Variants in BTAF1 observed in about 807,000 individuals in gnomAD.
BTAF1 encodes the protein B-TFIID TATA-box binding protein associated factor 1.
In BTAF1, 38 loss-of-function variants were observed where a neutral mutation model predicts 227.1. That is an observed-to-expected ratio of 0.17 (90% CI 0.13 to 0.22). The LOEUF is 0.22. Ranked by LOEUF, BTAF1 falls within the 10% of genes least tolerant of loss-of-function variation. BTAF1 has a pLI of 1.00. For synonymous variants in BTAF1, 742 were observed against 751.9 expected, an observed-to-expected ratio of 0.99 and a Z score of 0.21; for missense variants, 1,598 against 2,204.0, an observed-to-expected ratio of 0.73 and a Z score of 5.51.
At chr10:92,027,092 A>G in intron 36 of BTAF1, 38 bp from the exon 37 acceptor site, 2 of 1,579,424 alleles carry the variant, frequency 1.3e-6, no homozygotes, top group Non-Finnish European at 1.7e-6. Flanking sequence ...TCAAAGCATA[A>G]TATGTGTTAC....
intron 33 of BTAF1, among the ~76,000 whole-genome samples, chr10:92,016,776 A>G (rs1850768060): frequency 6.6e-6 from 1 of 152,198 alleles, no homozygotes; most frequent in African/African-American, 2.4e-5. Flanking sequence ...CGTCTGGCCC[A>G]TCCCACTTTT....
At chr10:91,970,944 C>T (rs570950531) in intron 14 of BTAF1, among the ~76,000 whole-genome samples, 12 of 152,156 alleles carry the variant, frequency 7.9e-5, no homozygotes, top group Admixed American at 1.3e-4. Flanking sequence ...CTTTCACAGA[C>T]GTTTTACTGA....
At chr10:91,997,164 C>A (rs899280862) in intron 24 of BTAF1, 5 of 1,287,306 alleles carry the variant, frequency 3.9e-6, no homozygotes, top group Non-Finnish European at 5.1e-6. Flanking sequence ...AGGAGAACTG[C>A]GCTTACTAGG....
intron 14 of BTAF1, 60 bp downstream of exon 14, chr10:91,966,817 C>A: frequency 6.6e-7 from 1 of 1,506,270 alleles, no homozygotes; most frequent in African/African-American, 1.4e-5. Flanking sequence ...ATAAAATAAA[C>A]CTGGTCTTTA....
intron 24 of BTAF1, chr10:91,997,176 T>C (rs1228820397): frequency 3.1e-6 from 4 of 1,282,108 alleles, no homozygotes; most frequent in Non-Finnish European, 4.1e-6. Flanking sequence ...CTTACTAGGC[T>C]CACTATATCC....
At chr10:91,936,446 ATCTC>A in intron 2 of BTAF1, among the ~76,000 whole-genome samples, 2 of 152,188 alleles carry the variant, frequency 1.3e-5, no homozygotes, top group African/African-American at 2.4e-5. Flanking sequence ...GAGCCTCAGG[ATCTC>A]TCTCTCTTTT....
Position 91,992,130 on chromosome 10 carries a change from G to A in BTAF1, c.2866G>A (p.Glu956Lys). The change falls in exon 21 of 38, where the codon GAA (glutamate) becomes AAA (lysine). Residue 956 changes from glutamate to lysine, a missense_variant. By Grantham distance (56) the Glu-to-Lys change is moderately conservative. Around this residue, in one of 10 missense-constraint regions of BTAF1, gnomAD observed 425 missense variants for 491.2 expected, o/e 0.87. Coordinates refer to ENST00000265990, the MANE Select transcript of BTAF1 (RefSeq NM_003972.3). ...GQENSKGSTS[E>K]KDGMHHTVTK... ...TTTTTTCTTATTAGGATCCACCTCA[G>A]AAAAAGATGGAATGCACCATACTGT... The A allele has an allele frequency of 6.4e-7, 1 of 1,570,264 alleles. No individual in the cohort carries two copies. The highest frequency in any genetic ancestry group is 8.6e-7 in the Non-Finnish European group (1 of 1,157,286).
chr10:92,014,150 C>G (rs112632906), intron 32 of BTAF1, 121 bp downstream of exon 32: 32 of 1,036,104 alleles, frequency 3.1e-5, no homozygotes, highest in African/African-American at 1.9e-4. Flanking sequence ...CAGATAAAGC[C>G]TAAATGATGT....
rs147687476 is a variant in BTAF1 at position 91,926,596 on chromosome 10, C to G, written c.14+2506C>G. Among the ~76,000 whole-genome samples, 44 of 152,274 alleles carry G rather than the reference C, an allele frequency of 2.9e-4. No homozygotes were observed. In the East Asian group the frequency reaches 7.9e-3, roughly 27 times the overall value. ...AAGACACCTTTAGAGAGACGCTTCC[C>G]TTTTGTCACTGTAAAGCTACATCCA... On this transcript the variant is annotated intron_variant, in intron 1 of 37. Transcript: ENST00000265990.
Position 92,031,228 on chromosome 10 carries a change from G to A in BTAF1, c.*2295G>A, listed in dbSNP as rs1165591384. Among the ~76,000 whole-genome samples, 2 of 152,034 alleles carry A rather than the reference G, an allele frequency of 1.3e-5. No homozygotes were observed. The highest frequency in any genetic ancestry group is 4.8e-5 in the African/African-American group (2 of 41,404). On this transcript the variant is annotated 3_prime_UTR_variant, in exon 38 of 38. Coordinates refer to ENST00000265990, the MANE Select transcript of BTAF1 (RefSeq NM_003972.3). Reference sequence around the variant, plus strand: ...CTTGTAGGAAAATCTTAACATTTGGGGGCCTGGGTATAATTTTTGTTTCAT... The same window carrying A: ...CTTGTAGGAAAATCTTAACATTTGGAGGCCTGGGTATAATTTTTGTTTCAT...
At chr10:92,014,237 T>C (rs1349113889) in intron 32 of BTAF1, among the ~76,000 whole-genome samples, 1 of 152,164 alleles carries the variant, frequency 6.6e-6, no homozygotes, top group Non-Finnish European at 1.5e-5. Flanking sequence ...TTTTAAGTTT[T>C]TTTTTTTAAG....
At chr10:92,010,787 C>T (rs1266267513) in intron 28 of BTAF1, among the ~76,000 whole-genome samples, 2 of 152,178 alleles carry the variant, frequency 1.3e-5, no homozygotes, top group African/African-American at 4.8e-5. Context: ...TCACCTAGAA[C>T]AACATGGAGT....
intron 1 of BTAF1, among the ~76,000 whole-genome samples, chr10:91,934,052 T>C (rs1384300436): frequency 6.6e-6 from 1 of 152,172 alleles, no homozygotes; most frequent in Admixed American, 6.5e-5. Context: ...GGCAAGTGTT[T>C]AGATAGCCTT....
chr10:91,981,423 CT>C (rs933327647), intron 15 of BTAF1, among the ~76,000 whole-genome samples: 3 of 150,636 alleles, frequency 2.0e-5, no homozygotes, highest in Non-Finnish European at 4.4e-5. Flanking sequence ...GAATTGTGTT[CT>C]TTTTTTAAAA....
chr10:91,981,756 T>C lies in BTAF1; in HGVS notation c.1869T>C (p.Asp623=). ...LMMQPSHLPI[D]LNMLLEVKAR... ...TGCAGCCTTCTCATTTACCTATCGA[T>C]TTAAATATGTTGCTAGAAGTAAAAG... Residue 623 remains aspartate, a synonymous_variant, in exon 16 of 38, where the codon GAT becomes GAC. Coordinates refer to ENST00000265990, the MANE Select transcript of BTAF1 (RefSeq NM_003972.3). 1 of 1,613,690 alleles carries C rather than the reference T, an allele frequency of 6.2e-7. No homozygotes were observed. The highest frequency in any genetic ancestry group is 8.5e-7 in the Non-Finnish European group (1 of 1,179,776).
rs767353223 is a variant in BTAF1 at position 92,008,816 on chromosome 10, TTC to T, written c.3814-7_3814-6del. On this transcript the variant is annotated splice_polypyrimidine_tract_variant and intron_variant, in intron 26 of 37. Coordinates refer to ENST00000265990, the MANE Select transcript of BTAF1 (RefSeq NM_003972.3). ...TATGATGTATTCACATTTATGATTT[TTC>T]TCTCTATCAGGATGGTGTGAACTGG... 2.1e-5 allele frequency: 32 copies of T among 1,556,342 alleles called. 1 individual carries two copies. The South Asian group carries it at 2.6e-4, about 12-fold the overall frequency.
At chr10:91,991,271 A>ATATAAATAT (rs1564699914) in intron 20 of BTAF1, among the ~76,000 whole-genome samples, 1 of 66,228 alleles carries the variant, frequency 1.5e-5, no homozygotes, top group African/African-American at 3.6e-5. Context: ...TATAAATATA[A>ATATAAATAT]ATATATATAT....
chr10:91,996,516 C>T lies in BTAF1; in HGVS notation c.3457C>T (p.Leu1153=). Residue 1153 remains leucine, a synonymous_variant, in exon 24 of 38, where the codon CTG becomes TTG. Coordinates refer to ENST00000265990, the MANE Select transcript of BTAF1 (RefSeq NM_003972.3). The part of the protein sequence containing the change: ...NIFLEKVLPW[L]GAIDDSVKQE... ...TTTTTTGGAGAAGGTTCTTCCGTGG[C>T]TGGGAGCAATTGATGACAGTGTCAA... The T allele has an allele frequency of 3.1e-6, 5 of 1,614,114 alleles. No individual in the cohort carries two copies. The highest frequency in any genetic ancestry group is 4.2e-6 in the Non-Finnish European group (5 of 1,180,022).
chr10:91,965,279 G>A (rs1245603799), intron 13 of BTAF1, among the ~76,000 whole-genome samples: 1 of 152,124 alleles, frequency 6.6e-6, no homozygotes, highest in Non-Finnish European at 1.5e-5. Context: ...AGATGAAGGG[G>A]TTTTTCATTA....
Sources: gnomAD v4.1 joint callset for allele counts (sites outside exome capture counted in the v4.1 genomes callset) on GRCh38, gnomAD v4.1.1 for gene constraint, gnomAD v4.1.1 regional missense constraint, MANE v1.5 for transcripts, NCBI Gene and HGNC (gene_info 2026-07-23, HGNC 2026-07-21) for gene names.